Variants in NDST4 observed in about 807,000 individuals in gnomAD.
NDST4 encodes the protein N-deacetylase and N-sulfotransferase 4.
A neutral mutation model predicts 100.8 loss-of-function variants in NDST4; 63 were observed. The ratio of observed to expected loss-of-function variants is 0.62; its 90% CI spans 0.51 to 0.77. The LOEUF (loss-of-function observed/expected upper bound fraction) is 0.77, where lower values mean the gene tolerates loss of function less well. NDST4 is among the 30% of genes least tolerant of loss of function. The pLI is 0.00. For missense variants in NDST4, 943 were observed against 1,018.4 expected, an observed-to-expected ratio of 0.93 and a Z score of 1.01; for synonymous variants, 377 against 361.8, an observed-to-expected ratio of 1.04 and a Z score of -0.48.
chr4:115,081,689 T>C (rs983413701), intron 1 of NDST4, among the ~76,000 whole-genome samples: 23 of 152,206 alleles, frequency 1.5e-4, no homozygotes, highest in African/African-American at 5.3e-4. Flanking sequence ...GTGGCATTTA[T>C]TTTTAAGTAG....
chr4:114,868,545 A>G (rs1724081197), intron 7 of NDST4, among the ~76,000 whole-genome samples: 1 of 152,058 alleles, frequency 6.6e-6, no homozygotes, highest in South Asian at 2.1e-4. Context: ...TCAAAATCTC[A>G]TGTATCTGAA....
rs764957598 is a variant in NDST4, at chr4:114,848,319, T to C, written c.1836A>G (p.Leu612=). ...PQKTGTTALY[L]FLLMHPSIIS... ...TGATTGAAGGATGCATAAGAAGAAA[T>C]AAATAAAGTGCAGTTGTTCCTGTTA... Residue 612 remains leucine (L), a synonymous_variant, in exon 9 of 14, where the codon TTA becomes TTG. Coordinates refer to ENST00000264363, the MANE Select transcript of NDST4 (RefSeq NM_022569.3). 1.3e-5 allele frequency: 21 copies of C among 1,596,804 alleles called. No homozygotes were observed. The highest frequency in any genetic ancestry group is 5.3e-5 in the Admixed American group (3 of 56,530).
At chr4:114,993,605 A>G (rs1727097418) in intron 2 of NDST4, among the ~76,000 whole-genome samples, 1 of 151,960 alleles carries the variant, frequency 6.6e-6, no homozygotes, top group African/African-American at 2.4e-5. Flanking sequence ...ATACATGTAA[A>G]ATACTTAAAA....
chr4:114,981,125 C>A (rs112373585), intron 2 of NDST4, among the ~76,000 whole-genome samples: 1 of 151,648 alleles, frequency 6.6e-6, no homozygotes, highest in African/African-American at 2.4e-5. Flanking sequence ...AGGGTGGGAG[C>A]GAGAGGATCA....
chr4:114,994,461 C>T (rs11725345), intron 2 of NDST4, among the ~76,000 whole-genome samples: 67,845 of 151,624 alleles, frequency 0.45, 16,717 homozygotes, highest in Non-Finnish European at 0.58. Context: ...CTAAAAGTAC[C>T]TAGAACACAG....
chr4:115,109,802 G>T (rs549546879), intron 1 of NDST4, among the ~76,000 whole-genome samples: 1 of 151,776 alleles, frequency 6.6e-6, no homozygotes, highest in Admixed American at 6.6e-5. Context: ...CCATTATTTA[G>T]CCTGTCATGT....
intron 2 of NDST4, among the ~76,000 whole-genome samples, chr4:114,995,965 T>C (rs930804131): frequency 1.3e-5 from 2 of 152,114 alleles, no homozygotes; most frequent in Non-Finnish European, 2.9e-5. Flanking sequence ...GCAATATGCA[T>C]ATAGTATTTA....
At chr4:115,095,094 C>A (rs1266101835) in intron 1 of NDST4, among the ~76,000 whole-genome samples, 1 of 152,128 alleles carries the variant, frequency 6.6e-6, no homozygotes, top group African/African-American at 2.4e-5. Flanking sequence ...GTTCCCACCT[C>A]ATTCAAATCT....
chr4:115,011,291 G>C (rs1179979055), intron 2 of NDST4, among the ~76,000 whole-genome samples: 3 of 151,884 alleles, frequency 2.0e-5, no homozygotes, highest in African/African-American at 7.2e-5. Flanking sequence ...GTGCTTCATG[G>C]CTGTCATGCC....
At chr4:114,855,392 A>C (rs1343703857) in intron 7 of NDST4, among the ~76,000 whole-genome samples, 1 of 152,124 alleles carries the variant, frequency 6.6e-6, no homozygotes, top group Admixed American at 6.5e-5. Context: ...TTATTTTAGT[A>C]GTTTTATAGT....
chr4:115,026,189 T>A (rs530325695), intron 2 of NDST4, among the ~76,000 whole-genome samples: 49 of 152,260 alleles, frequency 3.2e-4, no homozygotes, highest in African/African-American at 1.0e-3. Flanking sequence ...ACATGTTGTA[T>A]AATTGGCTTT....
At chr4:114,895,315 C>A (rs1426286231) in intron 6 of NDST4, among the ~76,000 whole-genome samples, 1 of 151,922 alleles carries the variant, frequency 6.6e-6, no homozygotes, top group Non-Finnish European at 1.5e-5. Context: ...CACCACTGAC[C>A]CCACAGGAAT....
At chr4:114,957,906 T>C (rs565052560) in intron 4 of NDST4, among the ~76,000 whole-genome samples, 131 of 152,316 alleles carry the variant, frequency 8.6e-4, no homozygotes, top group African/African-American at 3.1e-3. Context: ...TGGGTTCCCA[T>C]GGTCTTGGGC....
intron 2 of NDST4, among the ~76,000 whole-genome samples, chr4:114,990,223 A>G (rs981582277): frequency 6.6e-6 from 1 of 152,104 alleles, no homozygotes; most frequent in Non-Finnish European, 1.5e-5. Context: ...CAAATTTCTA[A>G]TTTTACATAA....
intron 6 of NDST4, among the ~76,000 whole-genome samples, chr4:114,915,381 C>T (rs1432580209): frequency 6.6e-6 from 1 of 152,026 alleles, no homozygotes; most frequent in East Asian, 1.9e-4. Flanking sequence ...AGGTAGGATG[C>T]AAAAAGGTTA....
intron 4 of NDST4, among the ~76,000 whole-genome samples, chr4:114,968,699 A>G (rs145776338): frequency 1.3e-5 from 2 of 152,326 alleles, no homozygotes; most frequent in African/African-American, 4.8e-5. Flanking sequence ...GCCACAAAAT[A>G]TCACTGTTCC....
intron 2 of NDST4, among the ~76,000 whole-genome samples, chr4:114,990,923 C>T (rs897643250): frequency 6.6e-6 from 1 of 152,018 alleles, no homozygotes; most frequent in East Asian, 1.9e-4. Flanking sequence ...TTGTTAGCTG[C>T]TAATGAGACT....
intron 2 of NDST4, among the ~76,000 whole-genome samples, chr4:115,057,902 A>C (rs1426440237): frequency 2.0e-5 from 3 of 152,140 alleles, no homozygotes; most frequent in African/African-American, 7.2e-5. Flanking sequence ...CACTGTTGCA[A>C]GGCTCATAAA....
At chr4:114,844,863 A>G (rs142380155) in intron 10 of NDST4, among the ~76,000 whole-genome samples, 2 of 152,308 alleles carry the variant, frequency 1.3e-5, no homozygotes, top group South Asian at 2.1e-4. Context: ...CTTATGATCA[A>G]TTACAGAAGG....
Sources: allele counts gnomAD v4.1 joint callset (sites outside exome capture counted in the v4.1 genomes callset), GRCh38; gene constraint gnomAD v4.1.1; transcripts MANE v1.5; gene names NCBI Gene and HGNC (gene_info 2026-07-23, HGNC 2026-07-21).